DNAAF1: variants seen among roughly 807,000 people sequenced by gnomAD.
DNAAF1 encodes the protein dynein axonemal assembly factor 1, also known as dynein assembly factor 1, axonemal.
DNAAF1 carries 65 observed loss-of-function variants against 71.1 expected under a neutral mutation model. The observed-to-expected ratio is 0.91, with a 90% CI of 0.75 to 1.12. The LOEUF (loss-of-function observed/expected upper bound fraction) is 1.12, where lower values mean the gene tolerates loss of function less well. Among genes scored for constraint, DNAAF1 ranks in the 50% most tolerant of loss-of-function variants. The pLI, the probability that DNAAF1 is intolerant of heterozygous loss-of-function variation, is 0.00. For missense variants in DNAAF1, 1,178 were observed against 899.8 expected (o/e 1.31, Z -3.96); for synonymous variants, 414 against 354.6 (o/e 1.17, Z -1.88).
At position 84,147,765 on chromosome 16, in the gene DNAAF1, A is replaced by T. The variant is rs968940427; in HGVS notation, c.125-1242A>T. ...TTAAAGAAATAAGCCCCCCCCAAAA[A>T]AAAAATAAAAATAAATAAGGGTGGG... On this transcript the variant is annotated intron_variant, in intron 1 of 11. Coordinates refer to ENST00000378553, the MANE Select transcript of DNAAF1 (RefSeq NM_178452.6). Among the ~76,000 whole-genome samples, 39 of 152,246 alleles carry T rather than the reference A, an allele frequency of 2.6e-4. No individual in the cohort carries two copies. The East Asian group carries it at 2.7e-3, about 11-fold the overall frequency.
intron 5 of DNAAF1, 104 bp from the exon 6 acceptor site, chr16:84,159,571 C>G: frequency 6.8e-7 from 1 of 1,472,946 alleles, no homozygotes; most frequent in Non-Finnish European, 9.2e-7. Flanking sequence ...TTCTATTTTG[C>G]TCAAAAAATA....
chr16:84,176,336 G>A, intron 11 of DNAAF1, 37 bp downstream of exon 11: 3 of 1,612,266 alleles, frequency 1.9e-6, no homozygotes, highest in Non-Finnish European at 2.5e-6. Flanking sequence ...TGGAGACAAT[G>A]TTGGCTCCCC....
chr16:84,174,876 G>A, intron 10 of DNAAF1, 154 bp downstream of exon 10: 1 of 1,021,414 alleles, frequency 9.8e-7, no homozygotes, highest in East Asian at 2.7e-5. Flanking sequence ...TTTCTTTTCA[G>A]GCAGAGTCTG....
chr16:84,165,386 A>G (rs937543267), intron 6 of DNAAF1, among the ~76,000 whole-genome samples: 9 of 151,934 alleles, frequency 5.9e-5, no homozygotes, highest in African/African-American at 2.2e-4. Flanking sequence ...GGGTTTTGCT[A>G]TGTTGCCCAG....
At chr16:84,174,800 AAACTTG>A in intron 10 of DNAAF1, 78 bp downstream of exon 10, 5 of 1,577,582 alleles carry the variant, frequency 3.2e-6, no homozygotes, top group Non-Finnish European at 4.4e-6. Flanking sequence ...TTTCTCTCCT[AAACTTG>A]AAAGTAAAAT....
chr16:84,176,638 C>T, intron 11 of DNAAF1: 1 of 401,000 alleles, frequency 2.5e-6, no homozygotes, highest in Non-Finnish European at 4.7e-6. Flanking sequence ...TCCTCACCAT[C>T]CCTGGCCTCA....
At chr16:84,163,396 T>C (rs1045448941) in intron 6 of DNAAF1, among the ~76,000 whole-genome samples, 1 of 151,698 alleles carries the variant, frequency 6.6e-6, no homozygotes, top group Non-Finnish European at 1.5e-5. Context: ...TTTTTTTTTT[T>C]TTAAGATGGA....
At chr16:84,165,710 A>T in intron 6 of DNAAF1, 73 bp from the exon 7 acceptor site, 1 of 1,444,408 alleles carries the variant, frequency 6.9e-7, no homozygotes, top group South Asian at 1.1e-5. Flanking sequence ...TTTGAAGAAA[A>T]TGAGCAAGTT....
chr16:84,150,390 G>C (rs1416860080), intron 3 of DNAAF1, 48 bp downstream of exon 3: 1 of 1,426,104 alleles, frequency 7.0e-7, no homozygotes, highest in South Asian at 1.1e-5. Context: ...GAAAGATTCT[G>C]TCTAGCGGTA....
chr16:84,153,134 T>G (rs2151216895), intron 3 of DNAAF1, among the ~76,000 whole-genome samples: 1 of 152,218 alleles, frequency 6.6e-6, no homozygotes, highest in East Asian at 1.9e-4. Context: ...AGTGGTGTTG[T>G]GGCTATCTTA....
In DNAAF1 at chr16:84,161,194, G is replaced by A. The variant is rs534929563; in HGVS notation, c.863+1398G>A. On this transcript the variant is annotated intron_variant, in intron 6 of 11. Coordinates refer to ENST00000378553, the MANE Select transcript of DNAAF1 (RefSeq NM_178452.6). ...CTGTTGCCACAGGGTCCCTGTGAGC[G>A]CCTGTGAGCAACATGCAGGACTCCG... 1.1e-4 allele frequency among the ~76,000 whole-genome samples: 16 copies of A among 152,278 alleles called. No homozygotes were observed. In the East Asian group the frequency reaches 2.1e-3, roughly 20 times the overall value.
At position 84,148,519 on chromosome 16, in the gene DNAAF1, G is replaced by T. The variant is rs112039785; in HGVS notation, c.125-488G>T. Among the ~76,000 whole-genome samples the T allele has an allele frequency of 3.8e-3, 570 of 148,772 alleles. 4 individuals are homozygous for T. The highest frequency in any genetic ancestry group is 0.014 in the African/African-American group (550 of 40,548). On this transcript the variant is annotated intron_variant, in intron 1 of 11. Transcript: ENST00000378553. ...AGAGTTTTTATAGAGGATCTACCTAGAAGTGAAATTTACATAGTCTTTGCC... is the reference window on the plus strand; with the variant it reads ...AGAGTTTTTATAGAGGATCTACCTATAAGTGAAATTTACATAGTCTTTGCC...
At chr16:84,152,543 G>A (rs2087233630) in intron 3 of DNAAF1, among the ~76,000 whole-genome samples, 1 of 151,430 alleles carries the variant, frequency 6.6e-6, no homozygotes. Flanking sequence ...CTAGTTACTT[G>A]TGAGGCTGAG....
chr16:84,160,671 A>T (rs1314974193), intron 6 of DNAAF1, among the ~76,000 whole-genome samples: 3 of 151,734 alleles, frequency 2.0e-5, no homozygotes, highest in Non-Finnish European at 4.4e-5. Flanking sequence ...GTGGTGGCTC[A>T]TGTCTGTAAT....
chr16:84,147,087 A>G (rs2086950667), intron 1 of DNAAF1, among the ~76,000 whole-genome samples: 1 of 152,202 alleles, frequency 6.6e-6, no homozygotes, highest in Admixed American at 6.5e-5. Flanking sequence ...TCGGAGCCTT[A>G]GTCTCCTCAT....
chr16:84,150,472 G>A (rs1186388354), intron 3 of DNAAF1, 130 bp downstream of exon 3: 2 of 757,540 alleles, frequency 2.6e-6, no homozygotes, highest in Non-Finnish European at 4.6e-6. Context: ...AAGTTTAGTG[G>A]AGATTTATGG....
At position 84,167,008 on chromosome 16, in the gene DNAAF1, T is replaced by C. The variant is rs189063732; in HGVS notation, c.1030+1059T>C. 7.1e-3 allele frequency among the ~76,000 whole-genome samples: 1,081 copies of C among 152,224 alleles called. 6 individuals are homozygous for C. The highest frequency in any genetic ancestry group is 1.0e-2 in the Non-Finnish European group (679 of 68,004). The stretch of plus-strand genomic sequence containing the variant: ...ATCCTGACACTAACCGCACAAGTGA[T>C]GGGCAATGGTCTCGCAAGATGACTC... On this transcript the variant is annotated intron_variant, in intron 7 of 11. Transcript: ENST00000378553.
At chr16:84,171,879 CTTT>C (rs775231302) in intron 8 of DNAAF1, among the ~76,000 whole-genome samples, 2 of 138,890 alleles carry the variant, frequency 1.4e-5, no homozygotes, top group Non-Finnish European at 3.1e-5. Context: ...GGGTTTTTGT[CTTT>C]TTTTTTTTTT....
chr16:84,176,322 A>G, intron 11 of DNAAF1, 23 bp downstream of exon 11: 1 of 1,612,788 alleles, frequency 6.2e-7, no homozygotes, highest in Non-Finnish European at 8.5e-7. Flanking sequence ...GGCCGAGAGC[A>G]CAGTGGAGAC....
Sources: gnomAD v4.1 joint callset for allele counts (sites outside exome capture counted in the v4.1 genomes callset) on GRCh38, gnomAD v4.1.1 for gene constraint, MANE v1.5 for transcripts, NCBI Gene and HGNC (gene_info 2026-07-23, HGNC 2026-07-21) for gene names.